The following TMCO5A variants were observed in gnomAD, a reference collection of about 807,000 sequenced individuals.
The protein encoded by TMCO5A is transmembrane and coiled-coil domains 5A, also known as transmembrane and coiled-coil domain-containing protein 5A.
In TMCO5A, 34 loss-of-function variants were observed where a neutral mutation model predicts 42.3. The observed-to-expected ratio is 0.80, with a 90% CI of 0.61 to 1.07. The LOEUF (loss-of-function observed/expected upper bound fraction) is 1.07, where lower values mean the gene tolerates loss of function less well. Ranked by LOEUF, TMCO5A falls within the 50% of genes least tolerant of loss-of-function variation. The pLI is 0.00. For missense variants in TMCO5A, 357 were observed against 327.9 expected (o/e 1.09, Z -0.69); for synonymous variants, 131 against 115.6 (o/e 1.13, Z -0.86).
At chr15:37,975,827 G>C in the TMCO5A span, among the ~76,000 whole-genome samples, 1 of 151,260 alleles carries the variant, frequency 6.6e-6, no homozygotes, top group Non-Finnish European at 1.5e-5. Context: ...TTAACAGTCT[G>C]TGTACTTCAG....
chr15:38,022,692 A>G, the TMCO5A span, among the ~76,000 whole-genome samples: 2 of 152,176 alleles, frequency 1.3e-5, no homozygotes, highest in Non-Finnish European at 2.9e-5. Context: ...TAGTTCATCA[A>G]TTGTAACAAA....
chr15:37,951,325 C>A lies in TMCO5A; in HGVS notation c.*91C>A. On this transcript the variant is annotated 3_prime_UTR_variant, in exon 12 of 12. Coordinates refer to ENST00000319669, the MANE Select transcript of TMCO5A (RefSeq NM_152453.4). ...GAAACTTGTGGAGGAAAGAGATTTG[C>A]TTCAGTTTTTTCCTCACCGTTTGCC... 7.5e-7 allele frequency: 1 copy of A among 1,341,758 alleles called. No homozygotes were observed. Among genetic ancestry groups the A allele is most frequent in the Non-Finnish European group, 1.0e-6 (1 of 961,064 alleles). The allele number at this position is 1,341,758 out of a possible 1,614,324, so 83.1% of individuals were successfully genotyped here. A position where few individuals can be genotyped will look rare whatever the true frequency, so the allele number is the denominator to read the frequency against.
the TMCO5A span, chr15:37,984,774 A>C: frequency 7.0e-6 from 1 of 142,636 alleles, no homozygotes; most frequent in South Asian, 2.2e-4. Flanking sequence ...AGCAGAAAGC[A>C]GCTCTCACCA....
rs772370592 is a variant in TMCO5A at position 37,938,163 on chromosome 15, A to C, written c.321A>C (p.Thr107=). 14 of 1,575,844 alleles carry C rather than the reference A, an allele frequency of 8.9e-6. 1 individual carries two copies. The highest frequency in any genetic ancestry group is 1.2e-5 in the South Asian group (1 of 85,900). The change falls in exon 6 of 12, where the codon ACA becomes ACC. Residue 107 remains threonine, a synonymous_variant. Transcript: ENST00000319669. Reference sequence around the variant, plus strand: ...TTTTTTATTTGAAACTATAGCTTACAAGGAAATCACAAAAGATAACCAATT... The same window carrying C: ...TTTTTTATTTGAAACTATAGCTTACCAGGAAATCACAAAAGATAACCAATT... ...HSITELQQKL[T]RKSQKITNCE...
chr15:37,942,362 C>G (rs573478021), intron 9 of TMCO5A, 107 bp downstream of exon 9: 204 of 1,012,998 alleles, frequency 2.0e-4, no homozygotes, highest in Non-Finnish European at 1.9e-4. Context: ...GAATGAGTCC[C>G]GACGCCACAT....
At chr15:37,982,578 ATATAT>A in the TMCO5A span, among the ~76,000 whole-genome samples, 17 of 72,934 alleles carry the variant, frequency 2.3e-4, no homozygotes, top group African/African-American at 5.2e-4. Context: ...ATATTATTTA[ATATAT>A]TATATATACT....
the TMCO5A span, among the ~76,000 whole-genome samples, chr15:38,033,560 T>TA: frequency 8.7e-5 from 7 of 80,032 alleles, no homozygotes; most frequent in African/African-American, 1.6e-4. Flanking sequence ...TCTCCCTCCA[T>TA]TTTTTTTTTG....
chr15:37,975,473 T>C, the TMCO5A span, among the ~76,000 whole-genome samples: 5 of 151,446 alleles, frequency 3.3e-5, no homozygotes, highest in Non-Finnish European at 7.4e-5. Context: ...TGAATTAAAC[T>C]CTTTACCATT....
exon 12 of TMCO5A, chr15:37,966,929 C>T (rs1039322045): frequency 1.1e-5 from 5 of 455,554 alleles, no homozygotes; most frequent in African/African-American, 2.0e-5. Flanking sequence ...AAATGCATTT[C>T]TCCCACTAAA....
At chr15:38,005,752 A>T in the TMCO5A span, among the ~76,000 whole-genome samples, 2 of 152,192 alleles carry the variant, frequency 1.3e-5, no homozygotes, top group African/African-American at 4.8e-5. Context: ...GTTTTCCTGA[A>T]TCTCAGCTTC....
rs1287491781 is a variant in TMCO5A, at chr15:37,937,377, T to A, written c.296T>A (p.Ile99Lys). The A allele has an allele frequency of 6.2e-6, 10 of 1,613,108 alleles. No homozygotes were observed. Among genetic ancestry groups the A allele is most frequent in the Non-Finnish European group, 8.5e-6 (10 of 1,179,366 alleles). ...AAGAATAAGACGTTGGTCCACAGTA[T>A]AACAGAACTTCAACAAAAGGTGAGG... ...ERKNKTLVHS[I>K]TELQQKLTRK... Residue 99 changes from isoleucine to lysine, a missense_variant, in exon 5 of 12, where the codon ATA (isoleucine) becomes AAA (lysine). Physicochemically the swap from Ile to Lys is moderately radical, Grantham distance 102. Transcript: ENST00000319669.
chr15:37,990,254 A>T, the TMCO5A span, among the ~76,000 whole-genome samples: 1 of 152,044 alleles, frequency 6.6e-6, no homozygotes, highest in African/African-American at 2.4e-5. Context: ...TTGTAAATCT[A>T]CTTCTCCCTC....
At chr15:38,011,607 T>G in the TMCO5A span, among the ~76,000 whole-genome samples, 2 of 152,196 alleles carry the variant, frequency 1.3e-5, no homozygotes, top group Non-Finnish European at 2.9e-5. Context: ...ACCTTTTTTT[T>G]GAATACTAAC....
the TMCO5A span, among the ~76,000 whole-genome samples, chr15:38,031,989 T>G: frequency 6.6e-6 from 1 of 151,924 alleles, no homozygotes; most frequent in Non-Finnish European, 1.5e-5. Flanking sequence ...GAATTTTGCT[T>G]TCGTCGCCCA....
At chr15:37,995,676 T>C in the TMCO5A span, among the ~76,000 whole-genome samples, 3 of 152,300 alleles carry the variant, frequency 2.0e-5, no homozygotes, top group East Asian at 5.8e-4. Flanking sequence ...AGTCATTTTG[T>C]AGAAGCACAT....
chr15:38,035,514 T>C, the TMCO5A span, among the ~76,000 whole-genome samples: 2 of 152,106 alleles, frequency 1.3e-5, no homozygotes, highest in Non-Finnish European at 2.9e-5. Context: ...GAGGTGATTC[T>C]AGGGAGCAGA....
chr15:38,005,463 G>A, the TMCO5A span, among the ~76,000 whole-genome samples: 2 of 142,934 alleles, frequency 1.4e-5, no homozygotes, highest in South Asian at 4.5e-4. Flanking sequence ...AGCTATTTAA[G>A]AGGCTGAGAC....
At chr15:37,975,322 A>G in the TMCO5A span, among the ~76,000 whole-genome samples, 1 of 152,134 alleles carries the variant, frequency 6.6e-6, no homozygotes, top group African/African-American at 2.4e-5. Context: ...ATTATCTAAT[A>G]CTGTCAGTGG....
the TMCO5A span, chr15:38,020,093 A>G: frequency 6.6e-6 from 1 of 152,116 alleles, no homozygotes; most frequent in African/African-American, 2.4e-5. Context: ...CCTGGGATCA[A>G]GTGATCCTCC....
Sources: allele counts gnomAD v4.1 joint callset (sites outside exome capture counted in the v4.1 genomes callset), GRCh38; gene constraint gnomAD v4.1.1; transcripts MANE v1.5; gene names NCBI Gene and HGNC (gene_info 2026-07-23, HGNC 2026-07-21).